The following KPNA4 variants were observed in gnomAD, a reference collection of about 807,000 sequenced individuals.
KPNA4 encodes karyopherin subunit alpha 4.
In KPNA4, 13 loss-of-function variants were observed where a neutral mutation model predicts 71.3. The observed-to-expected ratio is 0.18, with a 90% CI of 0.12 to 0.29. The LOEUF is 0.29. Among genes scored for constraint, KPNA4 ranks in the 10% least tolerant of loss-of-function variants. KPNA4 has a pLI of 1.00. For missense variants in KPNA4, 334 were observed against 603.2 expected (o/e 0.55, Z 4.67); for synonymous variants, 189 against 195.2 (o/e 0.97, Z 0.26).
chr3:160,515,075 G>T (rs758377127), intron 12 of KPNA4: 1 of 519,324 alleles, frequency 1.9e-6, no homozygotes, highest in South Asian at 1.4e-5. Context: ...TCACCAGTCA[G>T]TGCCCCCTTT....
chr3:160,533,058 C>G (rs1721604940), intron 5 of KPNA4, among the ~76,000 whole-genome samples: 1 of 152,166 alleles, frequency 6.6e-6, no homozygotes, highest in African/African-American at 2.4e-5. Flanking sequence ...GGGTCTCAGT[C>G]TGTCACTCAG....
chr3:160,559,646 C>T (rs536091670), intron 1 of KPNA4, among the ~76,000 whole-genome samples: 6 of 152,042 alleles, frequency 3.9e-5, no homozygotes, highest in Non-Finnish European at 8.8e-5. Context: ...TGCAGAATTA[C>T]GGTGTAGTAT....
chr3:160,560,285 T>C (rs1363103276), intron 1 of KPNA4, among the ~76,000 whole-genome samples: 2 of 152,100 alleles, frequency 1.3e-5, no homozygotes, highest in Non-Finnish European at 2.9e-5. Context: ...AGTTTCTTCT[T>C]TAAAATTTCT....
chr3:160,555,853 A>C (rs1233698312), intron 1 of KPNA4, among the ~76,000 whole-genome samples: 1 of 151,626 alleles, frequency 6.6e-6, no homozygotes, highest in Non-Finnish European at 1.5e-5. Flanking sequence ...ATTTTTGAGA[A>C]GGAGTTTTGC....
intron 1 of KPNA4, among the ~76,000 whole-genome samples, chr3:160,539,675 C>T (rs1040726625): frequency 6.6e-6 from 1 of 152,152 alleles, no homozygotes; most frequent in Non-Finnish European, 1.5e-5. Context: ...AAAACTATGA[C>T]CTATGTCTCA....
At chr3:160,534,591 G>A (rs895365524) in intron 5 of KPNA4, among the ~76,000 whole-genome samples, 26 of 151,414 alleles carry the variant, frequency 1.7e-4, no homozygotes, top group Non-Finnish European at 3.4e-4. Flanking sequence ...GGTGGCGGGC[G>A]CCTGTAATCC....
intron 1 of KPNA4, among the ~76,000 whole-genome samples, chr3:160,564,968 G>A (rs1176180882): frequency 2.7e-5 from 4 of 147,000 alleles, no homozygotes; most frequent in South Asian, 2.1e-4. Flanking sequence ...GCGCCGGGCC[G>A]GCTCCGCCGG....
rs71628425 is a variant in KPNA4 at position 160,535,900 on chromosome 3, TAAAAAAAAAA to T, written c.115-13_115-4del. ...AAGAGATGTTCATCTCTTTTATTCT[TAAAAAAAAAA>T]AAAAAAAAAAAAAAACCAAACAGAG... On this transcript the variant is annotated splice_polypyrimidine_tract_variant and splice_region_variant and intron_variant, in intron 2 of 16. Transcript: ENST00000334256. 7 of 325,358 alleles carry T rather than the reference TAAAAAAAAAA, an allele frequency of 2.2e-5. No homozygotes were observed. Among genetic ancestry groups the T allele is most frequent in the Non-Finnish European group, 2.8e-5 (7 of 248,548 alleles). 20.2% of individuals were successfully genotyped at this position (325,358 alleles called of 1,614,324 possible).
Position 160,496,398 on chromosome 3 carries a change from A to C in KPNA4, c.*5706T>G, listed in dbSNP as rs561121063. ...CTGGAAGGTAGGTAACTGGATTGAGAACCACAAAAAGCATGTAGATTTAAG... is the reference window on the plus strand; with the variant it reads ...CTGGAAGGTAGGTAACTGGATTGAGCACCACAAAAAGCATGTAGATTTAAG... On this transcript the variant is annotated 3_prime_UTR_variant, in exon 17 of 17. Coordinates refer to ENST00000334256, the MANE Select transcript of KPNA4 (RefSeq NM_002268.5). 5 of 152,364 alleles carry C rather than the reference A, an allele frequency of 3.3e-5. No homozygotes were observed. The highest frequency in any genetic ancestry group is 5.9e-5 in the Non-Finnish European group (4 of 68,062). The allele number at this position is 152,364 out of a possible 1,614,324, so 9.4% of individuals were successfully genotyped here.
chr3:160,514,212 A>C, intron 12 of KPNA4, 31 bp from the exon 13 acceptor site: 725 of 1,491,822 alleles, frequency 4.9e-4, no homozygotes, highest in Non-Finnish European at 6.1e-4. Flanking sequence ...AATATTTCTC[A>C]TTAAAAAATA....
At position 160,513,133 on chromosome 3, in the gene KPNA4, T is replaced by C. The variant is rs554779525; in HGVS notation, c.1137+944A>G. On this transcript the variant is annotated intron_variant, in intron 13 of 16. Coordinates refer to ENST00000334256, the MANE Select transcript of KPNA4 (RefSeq NM_002268.5). ...AAATAGAGTTGTGCATGACATATTCTTGCCTAAAAAACTGAACTCGATTTA... is the reference window on the plus strand; with the variant it reads ...AAATAGAGTTGTGCATGACATATTCCTGCCTAAAAAACTGAACTCGATTTA... Among the ~76,000 whole-genome samples the C allele has an allele frequency of 7.2e-5, 11 of 152,236 alleles. No individual in the cohort carries two copies. The East Asian group carries it at 1.2e-3, about 16-fold the overall frequency.
At position 160,498,165 on chromosome 3, in the gene KPNA4, CTG is replaced by C. The variant is rs1720803511; in HGVS notation, c.*3937_*3938del. Reference sequence around the variant, plus strand: ...ATCTAAAGGGAAGGGTTGGGACAGACTGTAATTCATGGACTCTTATGAATCCC... The same window carrying C: ...ATCTAAAGGGAAGGGTTGGGACAGACTAATTCATGGACTCTTATGAATCCC... On this transcript the variant is annotated 3_prime_UTR_variant, in exon 17 of 17. Transcript: ENST00000334256. 1 of 152,096 alleles carries C rather than the reference CTG, an allele frequency of 6.6e-6. No homozygotes were observed. The allele number at this position is 152,096 out of a possible 1,614,324, so 9.4% of individuals were successfully genotyped here. A position where few individuals can be genotyped will look rare whatever the true frequency, so the allele number is the denominator to read the frequency against.
At chr3:160,558,909 C>T (rs946560560) in intron 1 of KPNA4, among the ~76,000 whole-genome samples, 1 of 152,064 alleles carries the variant, frequency 6.6e-6, no homozygotes, top group African/African-American at 2.4e-5. Flanking sequence ...CTTAAGAATT[C>T]CTTGAGGAAA....
chr3:160,521,594 C>A (rs1326103128), intron 11 of KPNA4, among the ~76,000 whole-genome samples, 185 bp downstream of exon 11: 2 of 151,972 alleles, frequency 1.3e-5, no homozygotes, highest in African/African-American at 4.8e-5. Flanking sequence ...CAGTGAGACC[C>A]CATCTTAAAA....
At chr3:160,526,879 C>T (rs535776730) in intron 8 of KPNA4, among the ~76,000 whole-genome samples, 183 of 152,268 alleles carry the variant, frequency 1.2e-3, no homozygotes, top group Non-Finnish European at 2.0e-3. Flanking sequence ...GATCAAGATG[C>T]TGTATAATAG....
intron 1 of KPNA4, among the ~76,000 whole-genome samples, chr3:160,562,460 G>A (rs1482083470): frequency 2.6e-5 from 4 of 152,156 alleles, no homozygotes; most frequent in Admixed American, 2.0e-4. Flanking sequence ...ACACAATGTA[G>A]TAACCATATC....
At chr3:160,518,985 C>T (rs1398784953) in intron 11 of KPNA4, among the ~76,000 whole-genome samples, 1 of 152,182 alleles carries the variant, frequency 6.6e-6, no homozygotes, top group Non-Finnish European at 1.5e-5. Flanking sequence ...TTTACTGTAG[C>T]TTTGCAGTGT....
At position 160,498,234 on chromosome 3, in the gene KPNA4, G is replaced by C. The variant is rs940586134; in HGVS notation, c.*3870C>G. ...AACTACCATGTATATACACTTTTTG[G>C]GGAAGCTGGTCCAGTTTTCATTAGG... On this transcript the variant is annotated 3_prime_UTR_variant, in exon 17 of 17. Transcript: ENST00000334256. The C allele has an allele frequency of 4.6e-5, 7 of 152,070 alleles. No homozygotes were observed. The highest frequency in any genetic ancestry group is 1.7e-4 in the African/African-American group (7 of 41,390). The allele number at this position is 152,070 out of a possible 1,614,324, so 9.4% of individuals were successfully genotyped here.
intron 16 of KPNA4, among the ~76,000 whole-genome samples, chr3:160,503,413 G>A (rs1216275159): frequency 6.6e-6 from 1 of 152,006 alleles, no homozygotes; most frequent in Admixed American, 6.5e-5. Context: ...ATGCTCAAGT[G>A]GTAGAAATAA....
Sources: allele counts gnomAD v4.1 joint callset (sites outside exome capture counted in the v4.1 genomes callset), GRCh38; gene constraint gnomAD v4.1.1; transcripts MANE v1.5; gene names NCBI Gene and HGNC (gene_info 2026-07-23, HGNC 2026-07-21).